Variants in TRPC3 observed in about 807,000 individuals in gnomAD.
The protein encoded by TRPC3 is transient receptor potential cation channel subfamily C member 3, also known as short transient receptor potential channel 3.
A neutral mutation model predicts 90.9 loss-of-function variants in TRPC3; 54 were observed. The observed-to-expected ratio is 0.59, with a 90% CI of 0.48 to 0.75. The LOEUF is 0.75. TRPC3 is among the 30% of genes least tolerant of loss of function. TRPC3 has a pLI of 0.00. For missense variants in TRPC3, 918 were observed against 1,194.5 expected (o/e 0.77, Z 3.41); for synonymous variants, 424 against 450.9 (o/e 0.94, Z 0.75).
At chr4:121,920,338 A>G (rs559133878) in intron 3 of TRPC3, among the ~76,000 whole-genome samples, 2 of 152,094 alleles carry the variant, frequency 1.3e-5, no homozygotes, top group African/African-American at 4.8e-5. Context: ...CCTGGCCAAC[A>G]TGGTAAAACC....
At chr4:121,928,527 T>C (rs76530401) in intron 2 of TRPC3, among the ~76,000 whole-genome samples, 7,037 of 152,336 alleles carry the variant, frequency 0.046, 263 homozygotes, top group East Asian at 0.11. Context: ...TGAGGCCGCA[T>C]TGACTGTTAA....
rs757994323 is a variant in TRPC3, at chr4:121,910,395, A to T, written c.1559-8T>A. On this transcript the variant is annotated splice_region_variant and splice_polypyrimidine_tract_variant and intron_variant, in intron 5 of 11. Transcript: ENST00000379645. Reference sequence around the variant, plus strand: ...ATTCAGACCACATCATTCCTGTCACAACAAATACAGAGGGTGCAGGTCAGA... The same window carrying T: ...ATTCAGACCACATCATTCCTGTCACTACAAATACAGAGGGTGCAGGTCAGA... 6.2e-7 allele frequency: 1 copy of T among 1,610,780 alleles called. No individual in the cohort carries two copies. Among genetic ancestry groups the T allele is most frequent in the South Asian group, 1.1e-5 (1 of 91,018 alleles).
Position 121,879,836 on chromosome 4 carries a change from T to A in TRPC3, c.2666A>T (p.Tyr889Phe), listed in dbSNP as rs1322708540. 1 of 1,606,724 alleles carries A rather than the reference T, an allele frequency of 6.2e-7. No homozygotes were observed. Among genetic ancestry groups the A allele is most frequent in the South Asian group, 1.1e-5 (1 of 88,948 alleles). ...EIKQDISSLRYELLEDKSQAT... is the reference protein window; with the variant it reads ...EIKQDISSLRFELLEDKSQAT... ...TTGGCTCTTGTCTTCCAAAAGTTCA[T>A]AACGAAGGCTGGAGATATCTTGCTT... is the stretch of plus-strand genomic sequence containing the variant. The change falls in exon 12 of 12, where the codon TAT becomes TTT. Residue 889 changes from tyrosine to phenylalanine, a missense_variant. Tyr to Phe is a conservative substitution (Grantham distance 22). Around this residue, in one of 4 missense-constraint regions of TRPC3, gnomAD observed 41 missense variants for 69.4 expected, o/e 0.59. Transcript: ENST00000379645.
intron 10 of TRPC3, among the ~76,000 whole-genome samples, chr4:121,895,221 A>G (rs1313704881): frequency 2.0e-5 from 3 of 152,182 alleles, no homozygotes; most frequent in Non-Finnish European, 4.4e-5. Flanking sequence ...AAAACTAGAA[A>G]GATTTCAAAC....
Position 121,932,919 on chromosome 4 carries a change from C to T in TRPC3, c.339G>A (p.Glu113=), listed in dbSNP as rs2149143194. Residue 113 remains glutamate (E), a synonymous_variant, in exon 2 of 12, where the codon GAG becomes GAA. Coordinates refer to ENST00000379645, the MANE Select transcript of TRPC3 (RefSeq NM_001130698.2). This position sits in a 1 kb window ranked among gnomAD's most constrained non-coding sequence, Gnocchi z 7.7. ...ACTCGGCGGCGTCGAGGAAGCGCTC[C>T]TCCTCGGCGGTGAGGCTGGTGCCGC... ...NDRGTSLTAE[E]ERFLDAAEYG... 1.2e-6 allele frequency: 2 copies of T among 1,614,086 alleles called. No homozygotes were observed. Among genetic ancestry groups the T allele is most frequent in the East Asian group, 2.2e-5 (1 of 44,878 alleles).
chr4:121,946,580 G>C (rs746754213), intron 1 of TRPC3, among the ~76,000 whole-genome samples: 1 of 152,220 alleles, frequency 6.6e-6, no homozygotes, highest in African/African-American at 2.4e-5. Flanking sequence ...TCTTGTGGAA[G>C]ATAGGGGGAG....
chr4:121,924,928 T>G, intron 3 of TRPC3, 90 bp downstream of exon 3: 1 of 1,401,502 alleles, frequency 7.1e-7, no homozygotes, highest in Non-Finnish European at 9.7e-7. Context: ...CGTCTAGTCT[T>G]ATTATTTTAA....
Position 121,879,688 on chromosome 4 carries a change from T to C in TRPC3, c.*48A>G, listed in dbSNP as rs1727875983. 2 of 1,558,944 alleles carry C rather than the reference T, an allele frequency of 1.3e-6. No homozygotes were observed. The highest frequency in any genetic ancestry group is 2.1e-5 in the Admixed American group (1 of 47,712). On this transcript the variant is annotated 3_prime_UTR_variant, in exon 12 of 12. Coordinates refer to ENST00000379645, the MANE Select transcript of TRPC3 (RefSeq NM_001130698.2). ...TCAAGTATTTCATACTTAGAAATAT[T>C]ATTGCCCACATTTGTGCTATAGTCA...
intron 10 of TRPC3, 132 bp downstream of exon 10, chr4:121,899,480 G>C: frequency 1.7e-6 from 1 of 594,974 alleles, no homozygotes; most frequent in Non-Finnish European, 2.7e-6. Flanking sequence ...CATTTTCTTT[G>C]TTCTGAACTA....
In TRPC3 at chr4:121,932,142, T is replaced by A; in HGVS notation, c.987+129A>T. ...ATTAGATGAGGTCTGAATGACGTTC[T>A]CAGTCCCTCGTGATTTCACATTCAC... On this transcript the variant is annotated intron_variant, in intron 2 of 11. Transcript: ENST00000379645. The surrounding 1 kb of genome is among the most constrained non-coding windows in gnomAD (Gnocchi z 7.7). 1 of 1,410,048 alleles carries A rather than the reference T, an allele frequency of 7.1e-7. No individual in the cohort carries two copies. Among genetic ancestry groups the A allele is most frequent in the Non-Finnish European group, 9.5e-7 (1 of 1,051,304 alleles). 87.3% of individuals were successfully genotyped at this position (1,410,048 alleles called of 1,614,324 possible). A position where few individuals can be genotyped will look rare whatever the true frequency, so the allele number is the denominator to read the frequency against.
intron 3 of TRPC3, among the ~76,000 whole-genome samples, chr4:121,917,484 C>A (rs72680798): frequency 0.29 from 43,463 of 151,946 alleles, 6,469 homozygotes; most frequent in Non-Finnish European, 0.32. Flanking sequence ...ATGATCCAGG[C>A]AGTATATTGG....
chr4:121,907,167 C>T, intron 7 of TRPC3, 136 bp downstream of exon 7: 2 of 805,848 alleles, frequency 2.5e-6, no homozygotes, highest in Non-Finnish European at 3.9e-6. Context: ...TCAACACAAG[C>T]ACTAACTGTT....
chr4:121,893,622 C>T (rs183084595), intron 10 of TRPC3, among the ~76,000 whole-genome samples: 22 of 151,974 alleles, frequency 1.4e-4, no homozygotes, highest in South Asian at 2.1e-4. Flanking sequence ...CAAAACCTGA[C>T]GCCATAAACA....
At position 121,878,292 on chromosome 4, in the gene TRPC3, T is replaced by A. The variant is rs535268354; in HGVS notation, c.*1444A>T. 1.3e-4 allele frequency among the ~76,000 whole-genome samples: 20 copies of A among 152,362 alleles called. No homozygotes were observed. The highest frequency in any genetic ancestry group is 4.6e-4 in the African/African-American group (19 of 41,588). On this transcript the variant is annotated 3_prime_UTR_variant, in exon 12 of 12. Transcript: ENST00000379645. ...TAATCTTTAAAGAGCTTTATGTAGTTCCATTTAACACTTATTTCTGTCTTC... is the reference window on the plus strand; with the variant it reads ...TAATCTTTAAAGAGCTTTATGTAGTACCATTTAACACTTATTTCTGTCTTC...
Position 121,876,274 on chromosome 4 carries a change from C to T in TRPC3, c.*3462G>A, listed in dbSNP as rs1727759097. On this transcript the variant is annotated 3_prime_UTR_variant, in exon 12 of 12. Transcript: ENST00000379645. ...ACTAGCCTGGACAACATAGTGAGAC[C>T]CGCCTCTAAAAATGTATTTTAAAAA... Among the ~76,000 whole-genome samples the T allele has an allele frequency of 6.6e-6, 1 of 151,828 alleles. No individual in the cohort carries two copies. Among genetic ancestry groups the T allele is most frequent in the Admixed American group, 6.6e-5 (1 of 15,242 alleles).
In TRPC3 at chr4:121,932,329, G is replaced by T; in HGVS notation, c.929C>A (p.Thr310Lys). The part of the protein sequence containing the change: ...LSLSSEDPVL[T>K]ALELSNELAK... The stretch of plus-strand genomic sequence containing the variant: ...CAGCTCGTTGCTGAGCTCTAGGGCC[G>T]TAAGCACCGGGTCCTCGCTGGACAA... Residue 310 changes from threonine to lysine, a missense_variant, in exon 2 of 12, where the codon ACG becomes AAG. This residue lies in a region of TRPC3 where 609 missense variants were observed against 725.9 expected (regional missense o/e 0.84). Coordinates refer to ENST00000379645, the MANE Select transcript of TRPC3 (RefSeq NM_001130698.2). The surrounding 1 kb of genome is among the most constrained non-coding windows in gnomAD (Gnocchi z 7.7). 2 of 1,614,160 alleles carry T rather than the reference G, an allele frequency of 1.2e-6. No individual in the cohort carries two copies. The highest frequency in any genetic ancestry group is 1.7e-6 in the Non-Finnish European group (2 of 1,180,026).
At chr4:121,945,658 C>A (rs1730458664) in intron 1 of TRPC3, among the ~76,000 whole-genome samples, 1 of 152,244 alleles carries the variant, frequency 6.6e-6, no homozygotes, top group Non-Finnish European at 1.5e-5. Flanking sequence ...AGAAACCCTC[C>A]CCCTACATCC....
chr4:121,926,560 C>T lies in TRPC3; in HGVS notation c.988-1354G>A, dbSNP rs563279686. 1.7e-3 allele frequency among the ~76,000 whole-genome samples: 262 copies of T among 152,172 alleles called. 1 individual carries two copies. The highest frequency in any genetic ancestry group is 1.1e-3 in the Non-Finnish European group (77 of 67,984). ...TAGCTGGGATTATAGGCATGTGCCA[C>T]CACACCCGGCTATCTTTTGTATTTT... On this transcript the variant is annotated intron_variant, in intron 2 of 11. Coordinates refer to ENST00000379645, the MANE Select transcript of TRPC3 (RefSeq NM_001130698.2).
chr4:121,910,653 T>C (rs1729051385), intron 5 of TRPC3, among the ~76,000 whole-genome samples: 1 of 151,982 alleles, frequency 6.6e-6, no homozygotes, highest in South Asian at 2.1e-4. Flanking sequence ...TCTCTATTCA[T>C]GAGAGGAGGT....
Sources: gnomAD v4.1 joint callset for allele counts (sites outside exome capture counted in the v4.1 genomes callset) on GRCh38, gnomAD v4.1.1 for gene constraint, gnomAD v4.1.1 regional missense constraint, Gnocchi (gnomAD v3.1) non-coding constraint, MANE v1.5 for transcripts, NCBI Gene and HGNC (gene_info 2026-07-23, HGNC 2026-07-21) for gene names.